Variants in RGS20 observed in about 807,000 individuals in gnomAD.
The protein encoded by RGS20 is gz-selective GTPase-activating protein.
RGS20 carries 30 observed loss-of-function variants against 33.6 expected under a neutral mutation model. The ratio of observed to expected loss-of-function variants is 0.89; its 90% CI spans 0.67 to 1.21. The LOEUF is 1.21. RGS20 is among the 50% of genes most tolerant of loss of function. The pLI is 0.00. For missense variants in RGS20, 472 were observed against 502.4 expected (o/e 0.94, Z 0.58); for synonymous variants, 208 against 197.9 (o/e 1.05, Z -0.43).
chr8:53,930,194 C>G (rs1585931809), intron 2 of RGS20, among the ~76,000 whole-genome samples: 2 of 152,242 alleles, frequency 1.3e-5, no homozygotes, highest in African/African-American at 4.8e-5. Flanking sequence ...AAAGAATGAA[C>G]AGAAAAATTA....
intron 2 of RGS20, among the ~76,000 whole-genome samples, chr8:53,918,159 G>A (rs1187202926): frequency 6.6e-6 from 1 of 152,088 alleles, no homozygotes; most frequent in Non-Finnish European, 1.5e-5. Context: ...CAGTCACAAA[G>A]TTGTGCAACA....
intron 2 of RGS20, among the ~76,000 whole-genome samples, chr8:53,905,179 C>G (rs188733988): frequency 1.3e-5 from 2 of 152,172 alleles, no homozygotes; most frequent in Non-Finnish European, 2.9e-5. Context: ...TATTAAGCTT[C>G]CAGTTGACTT....
intron 2 of RGS20, among the ~76,000 whole-genome samples, chr8:53,900,781 G>A (rs767240066): frequency 3.9e-5 from 6 of 152,234 alleles, no homozygotes; most frequent in Middle Eastern, 3.4e-3. Context: ...CTCTCCTCCC[G>A]CTATTGCACC....
intron 2 of RGS20, among the ~76,000 whole-genome samples, chr8:53,936,291 AAGAG>A (rs1380242666): frequency 3.3e-5 from 5 of 152,190 alleles, no homozygotes; most frequent in Non-Finnish European, 7.3e-5. Flanking sequence ...TCCAAATAGG[AAGAG>A]AGAGAGTCAA....
At chr8:53,891,797 A>G (rs1439525799) in intron 2 of RGS20, among the ~76,000 whole-genome samples, 1 of 151,348 alleles carries the variant, frequency 6.6e-6, no homozygotes, top group Non-Finnish European at 1.5e-5. Flanking sequence ...GTTTGAAAAC[A>G]CTGGAAAGAA....
Position 53,858,265 on chromosome 8 carries a change from T to C in RGS20, c.165+6201T>C, listed in dbSNP as rs184432918. Among the ~76,000 whole-genome samples, 223 of 152,210 alleles carry C rather than the reference T, an allele frequency of 1.5e-3. 2 individuals carry two copies. Among genetic ancestry groups the C allele is most frequent in the Admixed American group, 0.012 (184 of 15,282 alleles). On this transcript the variant is annotated intron_variant, in intron 1 of 5. Coordinates refer to ENST00000297313, the MANE Select transcript of RGS20 (RefSeq NM_170587.4). ...AGCGTTTGGGATTACACTGGCAGCC[T>C]TCACCACACCATCCACTGGGCTCTA...
chr8:53,958,196 C>A, intron 5 of RGS20, 74 bp from the exon 5 acceptor site: 1 of 1,096,918 alleles, frequency 9.1e-7, no homozygotes, highest in Non-Finnish European at 1.3e-6. Context: ...CAAAAATCCC[C>A]ACAAGCTCTA....
intron 1 of RGS20, among the ~76,000 whole-genome samples, chr8:53,873,526 C>T (rs1162116188): frequency 6.6e-6 from 1 of 152,170 alleles, no homozygotes; most frequent in Non-Finnish European, 1.5e-5. Flanking sequence ...CACTTAACAT[C>T]ATGTTTTTAA....
intron 2 of RGS20, among the ~76,000 whole-genome samples, chr8:53,883,330 T>C (rs986628642): frequency 6.6e-6 from 1 of 151,874 alleles, no homozygotes; most frequent in Non-Finnish European, 1.5e-5. Context: ...TCCCGGCTAA[T>C]TTTTTGTATT....
At chr8:53,864,703 A>AT (rs1811883557) in intron 1 of RGS20, among the ~76,000 whole-genome samples, 2 of 152,060 alleles carry the variant, frequency 1.3e-5, no homozygotes, top group African/African-American at 4.8e-5. Context: ...TATTTCCCTA[A>AT]TTTTTTTCCA....
chr8:53,853,123 G>C (rs1811601912), intron 1 of RGS20, among the ~76,000 whole-genome samples: 1 of 152,124 alleles, frequency 6.6e-6, no homozygotes, highest in South Asian at 2.1e-4. Context: ...CTGAATTAAT[G>C]GACATCTTAA....
intron 2 of RGS20, among the ~76,000 whole-genome samples, chr8:53,908,021 G>T (rs1367587039): frequency 6.6e-6 from 1 of 152,174 alleles, no homozygotes; most frequent in East Asian, 1.9e-4. Context: ...TGTGAGGCAG[G>T]TGATGAAAGG....
At chr8:53,901,776 G>T (rs1161742032) in intron 2 of RGS20, among the ~76,000 whole-genome samples, 1 of 152,130 alleles carries the variant, frequency 6.6e-6, no homozygotes, top group East Asian at 1.9e-4. Context: ...TCCAACCCAG[G>T]GGTTTGAGGC....
intron 2 of RGS20, among the ~76,000 whole-genome samples, chr8:53,907,864 G>A (rs552793709): frequency 1.3e-5 from 2 of 152,300 alleles, no homozygotes; most frequent in South Asian, 4.1e-4. Context: ...TAAGGGTGAG[G>A]TTTGGGATTC....
At chr8:53,917,211 G>C (rs184507093) in intron 2 of RGS20, among the ~76,000 whole-genome samples, 1 of 152,194 alleles carries the variant, frequency 6.6e-6, no homozygotes, top group Admixed American at 6.5e-5. Context: ...GCAGTGGTGC[G>C]ATCTCAGCTC....
chr8:53,942,058 G>A, intron 3 of RGS20, among the ~76,000 whole-genome samples: 1 of 152,202 alleles, frequency 6.6e-6, no homozygotes, highest in South Asian at 2.1e-4. Flanking sequence ...CAGATCACAT[G>A]AGGTCGGGAG....
intron 2 of RGS20, among the ~76,000 whole-genome samples, chr8:53,907,127 C>T (rs1813202897): frequency 6.6e-6 from 1 of 152,166 alleles, no homozygotes; most frequent in African/African-American, 2.4e-5. Flanking sequence ...AGCAATGGAG[C>T]TAAGTGGCCG....
intron 2 of RGS20, among the ~76,000 whole-genome samples, chr8:53,893,572 G>A (rs975246948): frequency 5.9e-5 from 9 of 152,094 alleles, no homozygotes; most frequent in African/African-American, 1.2e-4. Context: ...TCTGACCTCC[G>A]TATTCTGAGG....
intron 2 of RGS20, among the ~76,000 whole-genome samples, chr8:53,900,178 T>C (rs980673445): frequency 6.6e-6 from 1 of 152,156 alleles, no homozygotes; most frequent in African/African-American, 2.4e-5. Context: ...CAGTCTTTTT[T>C]TCCCCTAGGT....
Sources: allele counts gnomAD v4.1 joint callset (sites outside exome capture counted in the v4.1 genomes callset), GRCh38; gene constraint gnomAD v4.1.1; transcripts MANE v1.5; gene names NCBI Gene and HGNC (gene_info 2026-07-23, HGNC 2026-07-21).